KAZN: variants seen among roughly 807,000 people sequenced by gnomAD.
The protein encoded by KAZN is kazrin.
In KAZN, 40 loss-of-function variants were observed where a neutral mutation model predicts 87.4. That is an observed-to-expected ratio of 0.46 (90% CI 0.36 to 0.60). KAZN has a LOEUF of 0.60. Ranked by LOEUF, KAZN falls within the 20% of genes least tolerant of loss-of-function variation. The probability of loss-of-function intolerance (pLI) is 0.00; values close to 1 mark genes in which losing one functional copy is unlikely to be tolerated. For synonymous variants in KAZN, 466 were observed against 458.3 expected (o/e 1.02, Z -0.22); for missense variants, 898 against 1,073.9 (o/e 0.84, Z 2.29).
At chr1:14,130,211 G>A (rs904830772) in intron 1 of KAZN, among the ~76,000 whole-genome samples, 1 of 151,754 alleles carries the variant, frequency 6.6e-6, no homozygotes, top group Non-Finnish European at 1.5e-5. Flanking sequence ...ATGTAGCTCT[G>A]AGCATGGTAT....
At chr1:14,716,713 T>C (rs1328873221) in intron 1 of KAZN, among the ~76,000 whole-genome samples, 8 of 152,166 alleles carry the variant, frequency 5.3e-5, no homozygotes, top group African/African-American at 1.9e-4. Context: ...CTGTGTTCCC[T>C]GCTGTCCCTA....
chr1:14,552,500 A>G (rs1366477821), intron 2 of KAZN, among the ~76,000 whole-genome samples: 1 of 152,222 alleles, frequency 6.6e-6, no homozygotes, highest in Non-Finnish European at 1.5e-5. Flanking sequence ...GGCGGTTGCC[A>G]GGGAAACTGC....
chr1:14,044,721 C>A (rs1474082537), intron 1 of KAZN, among the ~76,000 whole-genome samples: 1 of 152,182 alleles, frequency 6.6e-6, no homozygotes, highest in Admixed American at 6.5e-5. Flanking sequence ...AATGTGCTTT[C>A]AACTTACAGC....
At chr1:14,813,835 G>C (rs912546951) in intron 1 of KAZN, among the ~76,000 whole-genome samples, 1 of 152,146 alleles carries the variant, frequency 6.6e-6, no homozygotes, top group Non-Finnish European at 1.5e-5. Context: ...TTCAGGGGTC[G>C]TGTTGAGAAT....
intron 1 of KAZN, among the ~76,000 whole-genome samples, chr1:14,675,810 C>T (rs1056956109): frequency 1.1e-4 from 16 of 152,136 alleles, no homozygotes; most frequent in African/African-American, 3.9e-4. Context: ...GGGGGAATAG[C>T]CAAGGTTGTT....
intron 1 of KAZN, among the ~76,000 whole-genome samples, chr1:14,722,578 A>C (rs1643173839): frequency 6.6e-6 from 1 of 152,196 alleles, no homozygotes; most frequent in South Asian, 2.1e-4. Flanking sequence ...TTCTTTTCCC[A>C]ATGAGCATAC....
chr1:15,061,270 T>C (rs1313750704), intron 6 of KAZN: 1 of 152,212 alleles, frequency 6.6e-6, no homozygotes, highest in Non-Finnish European at 1.5e-5. Flanking sequence ...TGGAAATCAG[T>C]GTGTAAAAAT....
At chr1:14,662,964 C>T (rs986438715) in intron 1 of KAZN, among the ~76,000 whole-genome samples, 5 of 127,968 alleles carry the variant, frequency 3.9e-5, no homozygotes, top group Admixed American at 1.5e-4. Flanking sequence ...TATATGCACA[C>T]ATATATATAT....
intron 4 of KAZN, among the ~76,000 whole-genome samples, chr1:15,044,576 C>A: frequency 6.6e-6 from 1 of 151,936 alleles, no homozygotes. Flanking sequence ...CATGGCAAAA[C>A]CCTATCTCTA....
chr1:15,100,114 G>A (rs1465669361), intron 10 of KAZN, among the ~76,000 whole-genome samples: 1 of 152,186 alleles, frequency 6.6e-6, no homozygotes, highest in Non-Finnish European at 1.5e-5. Context: ...AGAAGAGAGT[G>A]GAGAATTTGG....
At chr1:14,798,427 T>C (rs1645898240) in intron 1 of KAZN, among the ~76,000 whole-genome samples, 1 of 34,582 alleles carries the variant, frequency 2.9e-5, no homozygotes, top group African/African-American at 8.9e-5. Context: ...TTTTTTTTTT[T>C]TTTTTTTTTT....
At chr1:14,114,279 G>A (rs528194363) in intron 1 of KAZN, among the ~76,000 whole-genome samples, 5 of 152,096 alleles carry the variant, frequency 3.3e-5, no homozygotes, top group Non-Finnish European at 5.9e-5. Context: ...GCTGCTGCGT[G>A]GGGGGCCGGC....
intron 3 of KAZN, among the ~76,000 whole-genome samples, chr1:15,036,543 CCA>C (rs1411122990): frequency 1.3e-5 from 2 of 152,152 alleles, no homozygotes; most frequent in East Asian, 3.9e-4. Flanking sequence ...GCAGGGGAGC[CCA>C]CAGAGGCTGC....
At chr1:14,313,369 C>G (rs1208868914) in intron 2 of KAZN, among the ~76,000 whole-genome samples, 1 of 152,188 alleles carries the variant, frequency 6.6e-6, no homozygotes, top group Non-Finnish European at 1.5e-5. Flanking sequence ...ACTCCTTAAA[C>G]AGCTTCATCA....
At chr1:14,794,473 G>A (rs879019) in intron 1 of KAZN, among the ~76,000 whole-genome samples, 62,721 of 151,986 alleles carry the variant, frequency 0.41, 13,565 homozygotes, top group Middle Eastern at 0.51. Flanking sequence ...CTACTAAATG[G>A]GTGTAGCCAG....
intron 1 of KAZN, among the ~76,000 whole-genome samples, chr1:14,658,769 T>C (rs75417973): frequency 0.01 from 1,544 of 152,238 alleles, 26 homozygotes; most frequent in East Asian, 0.042. Context: ...CGCCCCACCC[T>C]AGACTCCCCT....
At chr1:14,584,953 G>A (rs1288079243) in intron 2 of KAZN, among the ~76,000 whole-genome samples, 2 of 152,148 alleles carry the variant, frequency 1.3e-5, no homozygotes, top group Non-Finnish European at 2.9e-5. Context: ...TGAAGATAGG[G>A]TCTTTAAAGA....
Position 13,964,096 on chromosome 1 carries a change from T to C in KAZN, c.91+70340T>C, listed in dbSNP as rs1318000259. On this transcript the variant is annotated intron_variant, in intron 1 of 16. Transcript: ENST00000636203. ...TTGTTAACACTCTTCATCCATTTTT[T>C]AAAATTGTCTTGAAAATTATTTACT... 2.0e-5 allele frequency among the ~76,000 whole-genome samples: 3 copies of C among 152,218 alleles called. No individual in the cohort carries two copies. The South Asian group carries it at 6.2e-4, about 32-fold the overall frequency.
chr1:14,722,750 G>A (rs1365156783), intron 1 of KAZN, among the ~76,000 whole-genome samples: 1 of 152,136 alleles, frequency 6.6e-6, no homozygotes, highest in African/African-American at 2.4e-5. Flanking sequence ...CCCTTGGCCA[G>A]TCTTGCCCTA....
Sources: allele counts gnomAD v4.1 joint callset (sites outside exome capture counted in the v4.1 genomes callset), GRCh38; gene constraint gnomAD v4.1.1; transcripts MANE v1.5; gene names NCBI Gene and HGNC (gene_info 2026-07-23, HGNC 2026-07-21).